NRG3: variants seen among roughly 807,000 people sequenced by gnomAD.
The protein encoded by NRG3 is pro-neuregulin-3, membrane-bound isoform.
In NRG3, 31 loss-of-function variants were observed where a neutral mutation model predicts 66.9. The observed-to-expected ratio is 0.46, with a 90% CI of 0.35 to 0.63. The LOEUF (loss-of-function observed/expected upper bound fraction) is 0.63, where lower values mean the gene tolerates loss of function less well. Ranked by LOEUF, NRG3 falls within the 20% of genes least tolerant of loss-of-function variation. NRG3 has a pLI of 0.00. For synonymous variants in NRG3, 393 were observed against 359.4 expected (o/e 1.09, Z -1.06); for missense variants, 910 against 878.9 (o/e 1.04, Z -0.45).
At chr10:82,715,762 A>G (rs1244296009) in intron 2 of NRG3, among the ~76,000 whole-genome samples, 1 of 152,192 alleles carries the variant, frequency 6.6e-6, no homozygotes. Context: ...TCAAAGTATC[A>G]TAGACCAGTG....
chr10:82,778,692 A>G (rs11195927), intron 3 of NRG3, among the ~76,000 whole-genome samples: 18,996 of 152,110 alleles, frequency 0.12, 1,423 homozygotes, highest in African/African-American at 0.21. Context: ...TTCTGGCTCA[A>G]GTATGGCTTC....
At chr10:82,807,930 C>T (rs2061351622) in intron 3 of NRG3, among the ~76,000 whole-genome samples, 1 of 152,030 alleles carries the variant, frequency 6.6e-6, no homozygotes. Context: ...TTTACAAATC[C>T]TTTTTCTTTC....
chr10:82,589,073 G>A (rs190321680), intron 2 of NRG3, among the ~76,000 whole-genome samples: 3 of 152,136 alleles, frequency 2.0e-5, no homozygotes, highest in African/African-American at 4.8e-5. Flanking sequence ...TCCTCTCTGC[G>A]TTACCCCAGT....
At chr10:82,216,609 G>GAT (rs34744631) in intron 1 of NRG3, among the ~76,000 whole-genome samples, 4,164 of 142,508 alleles carry the variant, frequency 0.029, 112 homozygotes, top group East Asian at 0.15. Context: ...GATATATATA[G>GAT]ATATATATAT....
intron 1 of NRG3, among the ~76,000 whole-genome samples, chr10:81,999,657 C>T: frequency 6.6e-6 from 1 of 152,062 alleles, no homozygotes; most frequent in East Asian, 1.9e-4. Flanking sequence ...CATATGTGCT[C>T]ATAAGAAATC....
At chr10:82,831,135 A>T (rs1375631836) in intron 3 of NRG3, among the ~76,000 whole-genome samples, 1 of 152,154 alleles carries the variant, frequency 6.6e-6, no homozygotes, top group African/African-American at 2.4e-5. Context: ...AGCTTAATTA[A>T]GGTGACCTTT....
chr10:82,377,455 T>TGCGC (rs533450976), intron 2 of NRG3, among the ~76,000 whole-genome samples: 1,317 of 97,760 alleles, frequency 0.013, 12 homozygotes, highest in African/African-American at 0.074. Flanking sequence ...TGTGTGTGTG[T>TGCGC]GTGCGCGAGC....
At chr10:82,324,725 C>T (rs1459333438) in intron 1 of NRG3, among the ~76,000 whole-genome samples, 1 of 152,132 alleles carries the variant, frequency 6.6e-6, no homozygotes, top group Non-Finnish European at 1.5e-5. Context: ...TCCCTGATAT[C>T]ATTTACTTAT....
intron 1 of NRG3, among the ~76,000 whole-genome samples, chr10:82,121,425 G>C (rs2068081897): frequency 6.6e-6 from 1 of 152,130 alleles, no homozygotes; most frequent in Admixed American, 6.6e-5. Context: ...CCCTCAAAGA[G>C]AGAATTCAGG....
intron 5 of NRG3, among the ~76,000 whole-genome samples, chr10:82,951,881 C>G (rs1448481566): frequency 6.6e-6 from 1 of 152,222 alleles, no homozygotes; most frequent in East Asian, 1.9e-4. Flanking sequence ...GTATTAAGGG[C>G]TTGGTGTCTG....
intron 1 of NRG3, among the ~76,000 whole-genome samples, chr10:82,167,530 A>G (rs2072182535): frequency 6.6e-6 from 1 of 152,116 alleles, no homozygotes; most frequent in South Asian, 2.1e-4. Flanking sequence ...AAAATTTTAT[A>G]AAATATGTAT....
chr10:82,023,584 G>A (rs1181611308), intron 1 of NRG3, among the ~76,000 whole-genome samples: 1 of 151,936 alleles, frequency 6.6e-6, no homozygotes, highest in African/African-American at 2.4e-5. Context: ...TGAATGTAAT[G>A]GAATGCTTTT....
intron 1 of NRG3, among the ~76,000 whole-genome samples, chr10:82,029,037 C>T (rs559319137): frequency 7.9e-5 from 12 of 151,988 alleles, no homozygotes; most frequent in East Asian, 5.8e-4. Flanking sequence ...GGTAAAACCC[C>T]GTTTTTACTA....
At chr10:82,172,059 C>A (rs1394285434) in intron 1 of NRG3, among the ~76,000 whole-genome samples, 1 of 152,002 alleles carries the variant, frequency 6.6e-6, no homozygotes, top group Non-Finnish European at 1.5e-5. Context: ...TGAAAATGCC[C>A]CGTATCACAT....
intron 1 of NRG3, among the ~76,000 whole-genome samples, chr10:82,324,607 A>G (rs1020864374): frequency 3.9e-5 from 6 of 152,124 alleles, no homozygotes; most frequent in African/African-American, 7.2e-5. Context: ...ACAAATATTG[A>G]TATGCTCTGT....
intron 1 of NRG3, among the ~76,000 whole-genome samples, chr10:81,963,734 A>C (rs2059617831): frequency 6.6e-6 from 1 of 152,154 alleles, no homozygotes. Flanking sequence ...CTGTCAATGT[A>C]AAAGCTGTGT....
chr10:82,716,607 C>A (rs563215529), intron 2 of NRG3, among the ~76,000 whole-genome samples: 1 of 152,148 alleles, frequency 6.6e-6, no homozygotes, highest in African/African-American at 2.4e-5. Context: ...GATAAATTAA[C>A]GTTTCTTTGT....
intron 1 of NRG3, among the ~76,000 whole-genome samples, chr10:82,095,221 G>A (rs934805145): frequency 1.3e-5 from 2 of 151,796 alleles, no homozygotes; most frequent in Admixed American, 6.6e-5. Context: ...AGAAAAATGC[G>A]AACTAACCTA....
At chr10:82,007,929 AT>A (rs1247490162) in intron 1 of NRG3, among the ~76,000 whole-genome samples, 1 of 148,770 alleles carries the variant, frequency 6.7e-6, no homozygotes, top group African/African-American at 2.4e-5. Flanking sequence ...TTTCTTTTTC[AT>A]TCTTTTTCTC....
Sources: gnomAD v4.1 joint callset for allele counts (sites outside exome capture counted in the v4.1 genomes callset) on GRCh38, gnomAD v4.1.1 for gene constraint, MANE v1.5 for transcripts, NCBI Gene and HGNC (gene_info 2026-07-23, HGNC 2026-07-21) for gene names.